Variants in TBC1D2B observed in about 807,000 individuals in gnomAD.
TBC1D2B encodes the protein TBC1 domain family, member 2B.
TBC1D2B carries 64 observed loss-of-function variants against 100.8 expected under a neutral mutation model. That is an observed-to-expected ratio of 0.64 (90% CI 0.52 to 0.78). The LOEUF is 0.78. Ranked by LOEUF, TBC1D2B falls within the 30% of genes least tolerant of loss-of-function variation. The pLI, the probability that TBC1D2B is intolerant of heterozygous loss-of-function variation, is 0.00. For synonymous variants in TBC1D2B, 480 were observed against 479.7 expected, an observed-to-expected ratio of 1.00 and a Z score of -0.01; for missense variants, 1,052 against 1,218.4, an observed-to-expected ratio of 0.86 and a Z score of 2.03.
Position 78,017,962 on chromosome 15 carries a change from T to TA in TBC1D2B, c.1471-6dup. ...TTTGTACCCCTGTAGATTATCCTGT[T>TA]AGAAAAAAAAAAAATCCCTGAATTC... On this transcript the variant is annotated splice_region_variant and splice_polypyrimidine_tract_variant and intron_variant, in intron 6 of 12. Coordinates refer to ENST00000300584, the MANE Select transcript of TBC1D2B (RefSeq NM_144572.2). The TA allele has an allele frequency of 2.7e-6, 4 of 1,488,530 alleles. No individual in the cohort carries two copies. Among genetic ancestry groups the TA allele is most frequent in the Admixed American group, 4.2e-5 (2 of 48,084 alleles). The allele number at this position is 1,488,530 out of a possible 1,614,324, so 92.2% of individuals were successfully genotyped here.
chr15:78,052,990 T>C (rs924329188), intron 2 of TBC1D2B, among the ~76,000 whole-genome samples: 1 of 152,138 alleles, frequency 6.6e-6, no homozygotes, highest in African/African-American at 2.4e-5. Context: ...AGAAAACATA[T>C]TAATAGGTAC....
intron 6 of TBC1D2B, among the ~76,000 whole-genome samples, chr15:78,021,338 AT>A (rs1377736881): frequency 2.6e-5 from 4 of 151,996 alleles, no homozygotes; most frequent in Non-Finnish European, 4.4e-5. Context: ...AAATATATAT[AT>A]TTTTCCACTT....
At chr15:78,029,356 C>T (rs1045140514) in intron 4 of TBC1D2B, among the ~76,000 whole-genome samples, 3 of 152,224 alleles carry the variant, frequency 2.0e-5, no homozygotes, top group African/African-American at 7.2e-5. Flanking sequence ...CCACGCCTGG[C>T]CAGTTATAAT....
chr15:78,071,584 T>C (rs1208840722), intron 1 of TBC1D2B, among the ~76,000 whole-genome samples: 2 of 152,186 alleles, frequency 1.3e-5, no homozygotes, highest in African/African-American at 4.8e-5. Flanking sequence ...GGGTGAGTCA[T>C]AACCCCCTTT....
chr15:78,027,705 C>A (rs2072706495), intron 4 of TBC1D2B, among the ~76,000 whole-genome samples: 1 of 152,272 alleles, frequency 6.6e-6, no homozygotes, highest in Non-Finnish European at 1.5e-5. Context: ...CTCCCCAGTC[C>A]TGCTCACATT....
intron 2 of TBC1D2B, among the ~76,000 whole-genome samples, chr15:78,046,915 G>T (rs547440278): frequency 6.6e-6 from 1 of 152,330 alleles, no homozygotes; most frequent in Non-Finnish European, 1.5e-5. Flanking sequence ...CGTCCTGAAT[G>T]CCACATGATG....
chr15:78,036,417 G>T (rs562175264), intron 3 of TBC1D2B, among the ~76,000 whole-genome samples: 4 of 152,318 alleles, frequency 2.6e-5, no homozygotes, highest in African/African-American at 9.6e-5. Context: ...GGTATTAAGA[G>T]GTGGGACCAT....
chr15:78,064,100 A>G (rs571100936), intron 1 of TBC1D2B, among the ~76,000 whole-genome samples: 1 of 152,100 alleles, frequency 6.6e-6, no homozygotes, highest in South Asian at 2.1e-4. Flanking sequence ...CCTTTCTCCC[A>G]CACAAAAGGC....
Position 78,077,600 on chromosome 15 carries a change from G to T in TBC1D2B, c.53C>A (p.Ala18Glu). Residue 18 changes from alanine to glutamate, a missense_variant, in exon 1 of 13, where the codon GCG becomes GAG. Physicochemically the swap from Ala to Glu is moderately radical, Grantham distance 107. Around this residue, in one of 4 missense-constraint regions of TBC1D2B, gnomAD observed 627 missense variants for 646.1 expected, o/e 0.97. Transcript: ENST00000300584. ...AEEGGGGGEGAAQGAAAEPGA... is the reference protein window; with the variant it reads ...AEEGGGGGEGEAQGAAAEPGA... ...GGGCTCCGCGGCCGCCCCCTGCGCC[G>T]CGCCCTCGCCGCCGCCGCCGCCCTC... is the stretch of plus-strand genomic sequence containing the variant. 1.8e-6 allele frequency: 2 copies of T among 1,117,162 alleles called. No homozygotes were observed. The allele number at this position is 1,117,162 out of a possible 1,614,324, so 69.2% of individuals were successfully genotyped here. A position where few individuals can be genotyped will look rare whatever the true frequency, so the allele number is the denominator to read the frequency against.
At chr15:78,020,178 T>C (rs571398685) in intron 6 of TBC1D2B, among the ~76,000 whole-genome samples, 21 of 152,178 alleles carry the variant, frequency 1.4e-4, no homozygotes, top group Non-Finnish European at 2.8e-4. Flanking sequence ...CTATTGCACC[T>C]GGCCAAAGGT....
intron 10 of TBC1D2B, 89 bp downstream of exon 10, chr15:78,008,908 C>A (rs2072146976): frequency 2.3e-6 from 2 of 882,612 alleles, no homozygotes; most frequent in Non-Finnish European, 1.8e-6. Context: ...CACAAAGCAA[C>A]CCCTCACCCT....
intron 1 of TBC1D2B, among the ~76,000 whole-genome samples, chr15:78,064,802 G>C (rs977878860): frequency 1.1e-4 from 17 of 151,958 alleles, no homozygotes; most frequent in Admixed American, 1.3e-4. Context: ...GAAATCTTCT[G>C]TTTCAGCCCA....
At chr15:78,013,591 G>A (rs1200276999) in intron 8 of TBC1D2B, among the ~76,000 whole-genome samples, 2 of 151,982 alleles carry the variant, frequency 1.3e-5, no homozygotes, top group African/African-American at 4.8e-5. Context: ...AATATGAAAC[G>A]CATGGAAGAA....
chr15:78,017,750 G>T, intron 7 of TBC1D2B, 97 bp downstream of exon 7: 1 of 694,376 alleles, frequency 1.4e-6, no homozygotes, highest in Non-Finnish European at 2.4e-6. Flanking sequence ...ATCTCTCCAA[G>T]CCTGGGAGTT....
chr15:78,003,571 A>C, intron 10 of TBC1D2B, 81 bp from the exon 11 acceptor site: 2 of 1,099,246 alleles, frequency 1.8e-6, no homozygotes, highest in Non-Finnish European at 1.3e-6. Flanking sequence ...GCAACCTGAG[A>C]GCCTGGGGGT....
chr15:78,077,134 T>C (rs1242537623), intron 1 of TBC1D2B, among the ~76,000 whole-genome samples, 159 bp downstream of exon 1: 6 of 151,622 alleles, frequency 4.0e-5, no homozygotes, highest in African/African-American at 1.2e-4. Flanking sequence ...GGGGAGGAGA[T>C]AGGAACGAGG....
intron 3 of TBC1D2B, among the ~76,000 whole-genome samples, chr15:78,040,720 G>C (rs556733036): frequency 1.7e-5 from 2 of 121,210 alleles, no homozygotes; most frequent in East Asian, 4.9e-4. Context: ...GAAGGAAGGA[G>C]AGAGAAAAGG....
chr15:78,076,575 G>A (rs955302178), intron 1 of TBC1D2B, among the ~76,000 whole-genome samples: 76 of 134,748 alleles, frequency 5.6e-4, no homozygotes, highest in African/African-American at 1.9e-3. Context: ...TGAGACCCCC[G>A]TTTCTTTAAA....
At chr15:78,074,726 T>C (rs569937969) in intron 1 of TBC1D2B, among the ~76,000 whole-genome samples, 24 of 152,336 alleles carry the variant, frequency 1.6e-4, no homozygotes, top group Non-Finnish European at 3.1e-4. Context: ...TGTAGTACTG[T>C]TTCACATGAT....
Sources: gnomAD v4.1 joint callset for allele counts (sites outside exome capture counted in the v4.1 genomes callset) on GRCh38, gnomAD v4.1.1 for gene constraint, gnomAD v4.1.1 regional missense constraint, MANE v1.5 for transcripts, NCBI Gene and HGNC (gene_info 2026-07-23, HGNC 2026-07-21) for gene names.